IMPG1: variants seen among roughly 807,000 people sequenced by gnomAD.
The protein encoded by IMPG1 is interphotoreceptor matrix proteoglycan 1.
IMPG1 carries 85 observed loss-of-function variants against 92.0 expected under a neutral mutation model. That is an observed-to-expected ratio of 0.92 (90% CI 0.78 to 1.11). The LOEUF is 1.11. Among genes scored for constraint, IMPG1 ranks in the 50% least tolerant of loss-of-function variants. The pLI, the probability that IMPG1 is intolerant of heterozygous loss-of-function variation, is 0.00. For missense variants in IMPG1, 1,022 were observed against 956.0 expected (o/e 1.07, Z -0.91); for synonymous variants, 367 against 334.1 (o/e 1.10, Z -1.08).
chr6:75,952,005 G>T (rs1001973458), intron 12 of IMPG1, among the ~76,000 whole-genome samples: 4 of 151,994 alleles, frequency 2.6e-5, no homozygotes, highest in Non-Finnish European at 4.4e-5. Flanking sequence ...ACATTATTAC[G>T]CTCTGACAAT....
intron 12 of IMPG1, among the ~76,000 whole-genome samples, chr6:76,002,031 A>G (rs1000177988): frequency 1.4e-4 from 22 of 152,208 alleles, no homozygotes; most frequent in African/African-American, 5.1e-4. Flanking sequence ...TGTAGAATGT[A>G]GAGACCTCTA....
At chr6:76,007,441 G>T in intron 9 of IMPG1, 39 bp downstream of exon 9, 1 of 1,488,384 alleles carries the variant, frequency 6.7e-7, no homozygotes, top group African/African-American at 1.4e-5. Flanking sequence ...TGGGGGAGAC[G>T]GGAATGTACT....
At chr6:76,052,520 T>C (rs1465103501) in intron 1 of IMPG1, among the ~76,000 whole-genome samples, 2 of 152,174 alleles carry the variant, frequency 1.3e-5, no homozygotes, top group Non-Finnish European at 2.9e-5. Flanking sequence ...ACTATACTTC[T>C]AGTAATGGGG....
At chr6:75,965,915 G>C (rs1782302458) in intron 12 of IMPG1, among the ~76,000 whole-genome samples, 1 of 152,146 alleles carries the variant, frequency 6.6e-6, no homozygotes, top group Admixed American at 6.5e-5. Context: ...CCACACACTT[G>C]TTCTTTACCA....
chr6:75,972,876 G>A (rs749759035), intron 12 of IMPG1, among the ~76,000 whole-genome samples: 2 of 152,120 alleles, frequency 1.3e-5, no homozygotes, highest in African/African-American at 2.4e-5. Flanking sequence ...GTCAAGGACT[G>A]GAACAGTAAA....
chr6:76,058,088 C>T (rs975350327), intron 1 of IMPG1, among the ~76,000 whole-genome samples: 2 of 152,076 alleles, frequency 1.3e-5, no homozygotes, highest in Non-Finnish European at 2.9e-5. Flanking sequence ...ATATTTTGGA[C>T]ATTAACCCTT....
At chr6:75,976,063 G>A (rs1782527366) in intron 12 of IMPG1, among the ~76,000 whole-genome samples, 1 of 152,000 alleles carries the variant, frequency 6.6e-6, no homozygotes, top group Non-Finnish European at 1.5e-5. Context: ...CCTGGGTTAT[G>A]TTTGGTCTGT....
intron 2 of IMPG1, among the ~76,000 whole-genome samples, chr6:76,041,593 G>A (rs185147228): frequency 2.0e-5 from 3 of 152,142 alleles, no homozygotes; most frequent in Admixed American, 6.6e-5. Flanking sequence ...GGAATATTGA[G>A]CATTGGCAAA....
At chr6:76,053,475 G>A (rs1052794403) in intron 1 of IMPG1, among the ~76,000 whole-genome samples, 37 of 152,124 alleles carry the variant, frequency 2.4e-4, no homozygotes, top group African/African-American at 8.7e-4. Flanking sequence ...AAAAAATTCA[G>A]GAGGAAGCTA....
intron 14 of IMPG1, chr6:75,934,962 C>G (rs1305684909): frequency 2.1e-6 from 1 of 471,556 alleles, no homozygotes; most frequent in Non-Finnish European, 4.4e-6. Context: ...TGATTGGATC[C>G]TGTCCAAGGG....
intron 2 of IMPG1, among the ~76,000 whole-genome samples, chr6:76,036,779 T>C (rs1201887327): frequency 1.0e-5 from 1 of 97,016 alleles, no homozygotes; most frequent in Non-Finnish European, 2.4e-5. Context: ...AATTTGATGG[T>C]AAATATTGAG....
chr6:76,001,544 C>T (rs2149476418), intron 12 of IMPG1, among the ~76,000 whole-genome samples: 1 of 152,260 alleles, frequency 6.6e-6, no homozygotes, highest in Non-Finnish European at 1.5e-5. Flanking sequence ...TACTGACACT[C>T]TGAACTCAGC....
intron 5 of IMPG1, among the ~76,000 whole-genome samples, chr6:76,024,033 A>G (rs548145192): frequency 1.1e-4 from 16 of 152,264 alleles, no homozygotes; most frequent in African/African-American, 3.8e-4. Context: ...TGAGCTGTTT[A>G]TATGGGGGAA....
At chr6:76,002,775 C>G (rs1386899790) in intron 12 of IMPG1, 143 bp downstream of exon 12, 4 of 657,382 alleles carry the variant, frequency 6.1e-6, no homozygotes, top group Non-Finnish European at 1.1e-5. Flanking sequence ...CAATGGACTG[C>G]TTTTCTGTTG....
intron 1 of IMPG1, among the ~76,000 whole-genome samples, chr6:76,046,942 A>G (rs1441254455): frequency 6.6e-6 from 1 of 152,202 alleles, no homozygotes; most frequent in Non-Finnish European, 1.5e-5. Context: ...GAAAACCTGT[A>G]CCTACAAAAA....
chr6:75,974,612 A>G (rs1782505285), intron 12 of IMPG1, among the ~76,000 whole-genome samples: 1 of 150,820 alleles, frequency 6.6e-6, no homozygotes, highest in African/African-American at 2.4e-5. Context: ...TGGGATTACA[A>G]TCTGCAACCA....
intron 7 of IMPG1, among the ~76,000 whole-genome samples, chr6:76,016,853 G>A (rs546123086): frequency 3.3e-5 from 5 of 152,324 alleles, no homozygotes; most frequent in African/African-American, 4.8e-5. Context: ...TAAAAGAACA[G>A]CTCCTGTTCT....
intron 1 of IMPG1, among the ~76,000 whole-genome samples, chr6:76,057,154 A>G (rs889923890): frequency 6.6e-6 from 1 of 152,092 alleles, no homozygotes; most frequent in African/African-American, 2.4e-5. Context: ...GGAAGGTGGG[A>G]GGAGGGAGAG....
At chr6:75,987,902 C>T (rs1782745459) in intron 12 of IMPG1, among the ~76,000 whole-genome samples, 1 of 152,168 alleles carries the variant, frequency 6.6e-6, no homozygotes, top group Admixed American at 6.5e-5. Flanking sequence ...CCACCTCGGC[C>T]TCCCAAAGTG....
Sources: gnomAD v4.1 joint callset for allele counts (sites outside exome capture counted in the v4.1 genomes callset) on GRCh38, gnomAD v4.1.1 for gene constraint, MANE v1.5 for transcripts, NCBI Gene and HGNC (gene_info 2026-07-23, HGNC 2026-07-21) for gene names.